The following SCRN1 variants were observed in gnomAD, a reference collection of about 807,000 sequenced individuals.
SCRN1 encodes secernin 1, also known as secernin-1.
Under a neutral mutation model 43.3 loss-of-function variants are expected in SCRN1, and 19 were observed. The ratio of observed to expected loss-of-function variants is 0.44; its 90% CI spans 0.31 to 0.64. The LOEUF (loss-of-function observed/expected upper bound fraction) is 0.64. Ranked by LOEUF, SCRN1 falls within the 30% of genes least tolerant of loss-of-function variation. SCRN1 has a pLI of 0.09. For missense variants in SCRN1, 447 were observed against 524.1 expected (o/e 0.85, Z 1.44); for synonymous variants, 183 against 188.9 (o/e 0.97, Z 0.26).
intron 6 of SCRN1, among the ~76,000 whole-genome samples, chr7:29,934,957 GC>G (rs1220082493): frequency 1.3e-5 from 2 of 152,178 alleles, no homozygotes; most frequent in Admixed American, 6.5e-5. Flanking sequence ...TTTTGCATGT[GC>G]CGTCCTCTCC....
chr7:29,944,858 A>T (rs963736616), intron 3 of SCRN1, among the ~76,000 whole-genome samples: 1 of 151,448 alleles, frequency 6.6e-6, no homozygotes, highest in Admixed American at 6.6e-5. Context: ...CCCTTACAAA[A>T]CCACCCCTCT....
At chr7:29,980,980 G>A (rs186524939) in intron 1 of SCRN1, among the ~76,000 whole-genome samples, 23 of 152,188 alleles carry the variant, frequency 1.5e-4, no homozygotes, top group Non-Finnish European at 2.4e-4. Flanking sequence ...TTGAGAGTGC[G>A]AGTAAAGATG....
At chr7:29,989,935 C>G (rs1789314851), upstream of SCRN1, 3 of 1,236,874 alleles carry the variant, frequency 2.4e-6, no homozygotes, top group Non-Finnish European at 3.0e-6. Context: ...GGCCGCGGCG[C>G]TGCTCACCGT....
At chr7:29,945,461 G>A (rs1787706457) in intron 3 of SCRN1, among the ~76,000 whole-genome samples, 1 of 152,178 alleles carries the variant, frequency 6.6e-6, no homozygotes, top group African/African-American at 2.4e-5. Flanking sequence ...GTGACCTTGG[G>A]CAGGTTATAT....
chr7:29,985,935 C>A (rs1789136179), intron 1 of SCRN1, among the ~76,000 whole-genome samples: 3 of 152,200 alleles, frequency 2.0e-5, no homozygotes, highest in Admixed American at 2.0e-4. Flanking sequence ...TTAAAAACCA[C>A]TAGAAATATA....
chr7:29,990,161 G>A (rs770415532), upstream of SCRN1: 43 of 1,551,414 alleles, frequency 2.8e-5, no homozygotes, highest in South Asian at 4.2e-4. Flanking sequence ...AGATTTCCCC[G>A]GAGAGAAATG....
upstream of SCRN1, chr7:29,990,075 A>G (rs760182292): frequency 7.8e-5 from 119 of 1,520,046 alleles, no homozygotes; most frequent in Non-Finnish European, 1.0e-4. Flanking sequence ...CCGGGCTTCA[A>G]GGAGCCAGGC....
chr7:29,964,037 TAA>T (rs2128096421), intron 2 of SCRN1, among the ~76,000 whole-genome samples: 1 of 152,342 alleles, frequency 6.6e-6, no homozygotes, highest in Admixed American at 6.5e-5. Flanking sequence ...ATGAAATTAA[TAA>T]GAGTTATACA....
intron 1 of SCRN1, among the ~76,000 whole-genome samples, chr7:29,982,851 T>G (rs1284588957): frequency 6.6e-6 from 1 of 151,896 alleles, no homozygotes; most frequent in Non-Finnish European, 1.5e-5. Context: ...TCTTCATTTT[T>G]TTTTTTTGAG....
At chr7:29,960,350 T>A (rs1389175931) in intron 2 of SCRN1, among the ~76,000 whole-genome samples, 1 of 151,668 alleles carries the variant, frequency 6.6e-6, no homozygotes, top group Non-Finnish European at 1.5e-5. Flanking sequence ...CGACAGTGAA[T>A]CCATACGGTA....
intron 3 of SCRN1, among the ~76,000 whole-genome samples, chr7:29,954,461 C>T (rs1270436985): frequency 6.6e-6 from 1 of 152,140 alleles, no homozygotes; most frequent in Non-Finnish European, 1.5e-5. Context: ...ATTTTCAACA[C>T]CCGCAAAAGA....
At position 29,935,211 on chromosome 7, in the gene SCRN1, G is replaced by A. The variant is rs531481950; in HGVS notation, c.905+1345C>T. Among the ~76,000 whole-genome samples the A allele has an allele frequency of 9.3e-4, 142 of 152,268 alleles. 1 individual carries two copies. Among genetic ancestry groups the A allele is most frequent in the Non-Finnish European group, 1.5e-3 (105 of 68,016 alleles). ...CTAAGAACAGCTAATACTGAGTTCCGCAGTCAGGTCTGGTTAGAAACATCT... is the reference window on the plus strand; with the variant it reads ...CTAAGAACAGCTAATACTGAGTTCCACAGTCAGGTCTGGTTAGAAACATCT... On this transcript the variant is annotated intron_variant, in intron 6 of 7. Transcript: ENST00000242059.
chr7:29,936,210 T>C (rs1787319894), intron 6 of SCRN1, among the ~76,000 whole-genome samples: 1 of 152,208 alleles, frequency 6.6e-6, no homozygotes, highest in South Asian at 2.1e-4. Context: ...CATTTCTGTA[T>C]CCCTCATGTA....
chr7:29,934,059 C>T (rs1787245300), intron 6 of SCRN1, among the ~76,000 whole-genome samples: 1 of 152,164 alleles, frequency 6.6e-6, no homozygotes, highest in Non-Finnish European at 1.5e-5. Flanking sequence ...AGAGAAACAA[C>T]TGAAATGTTG....
chr7:29,971,050 A>T (rs1227605542), intron 1 of SCRN1, among the ~76,000 whole-genome samples: 1 of 152,214 alleles, frequency 6.6e-6, no homozygotes, highest in East Asian at 1.9e-4. Context: ...TAGTGTACCA[A>T]CTATTGTATT....
rs1258064417 is a variant in SCRN1 at position 29,920,615 on chromosome 7, T to G, written c.*3342A>C. On this transcript the variant is annotated 3_prime_UTR_variant, in exon 8 of 8. Transcript: ENST00000242059. ...TCCTTCCTAAGGCTGAGAGCTCAAC[T>G]GAAGACCTTCCCCAATAAATGACAG... 3 of 152,234 alleles carry G rather than the reference T, an allele frequency of 2.0e-5. No individual in the cohort carries two copies. Among genetic ancestry groups the G allele is most frequent in the Non-Finnish European group, 4.4e-5 (3 of 68,058 alleles). 9.4% of individuals were successfully genotyped at this position (152,234 alleles called of 1,614,324 possible). A position where few individuals can be genotyped will look rare whatever the true frequency, so the allele number is the denominator to read the frequency against.
In SCRN1 at chr7:29,923,092, A is replaced by T. The variant is rs556629059; in HGVS notation, c.*865T>A. The T allele has an allele frequency of 6.6e-6, 1 of 152,314 alleles. No homozygotes were observed. The highest frequency in any genetic ancestry group is 1.9e-4 in the East Asian group (1 of 5,176). 9.4% of individuals were successfully genotyped at this position (152,314 alleles called of 1,614,324 possible). On this transcript the variant is annotated 3_prime_UTR_variant, in exon 8 of 8. Coordinates refer to ENST00000242059, the MANE Select transcript of SCRN1 (RefSeq NM_014766.5). ...GCCATAGGGCCATTCAATTACTCCTAGACTAGCTGTTGGTAACTAGACTGG... is the reference window on the plus strand; with the variant it reads ...GCCATAGGGCCATTCAATTACTCCTTGACTAGCTGTTGGTAACTAGACTGG...
chr7:29,946,188 T>C (rs1787732969), intron 3 of SCRN1, among the ~76,000 whole-genome samples: 1 of 152,182 alleles, frequency 6.6e-6, no homozygotes, highest in Admixed American at 6.5e-5. Context: ...AGGAGAGGGA[T>C]AAAAGAACAA....
chr7:29,926,718 T>G, intron 6 of SCRN1, 86 bp from the exon 7 acceptor site: 9 of 890,038 alleles, frequency 1.0e-5, no homozygotes, highest in East Asian at 8.4e-5. Context: ...AGCAAACATT[T>G]CCCAAGCCAA....
Sources: gnomAD v4.1 joint callset for allele counts (sites outside exome capture counted in the v4.1 genomes callset) on GRCh38, gnomAD v4.1.1 for gene constraint, MANE v1.5 for transcripts, NCBI Gene and HGNC (gene_info 2026-07-23, HGNC 2026-07-21) for gene names.